The following CDH13 variants were observed in gnomAD, a reference collection of about 807,000 sequenced individuals.
CDH13 encodes cadherin-13.
In CDH13, 24 loss-of-function variants were observed where a neutral mutation model predicts 63.8. The observed-to-expected ratio is 0.38, with a 90% confidence interval of 0.27 to 0.53. The LOEUF is 0.53. Among genes scored for constraint, CDH13 ranks in the 20% least tolerant of loss-of-function variants. The probability of loss-of-function intolerance (pLI) is 0.85; values close to 1 mark genes in which losing one functional copy is unlikely to be tolerated. For synonymous variants in CDH13, 503 were observed against 355.3 expected, an observed-to-expected ratio of 1.42 and a Z score of -4.67; for missense variants, 1,049 against 903.1, an observed-to-expected ratio of 1.16 and a Z score of -2.07.
chr16:83,037,123 T>C (rs1044653505), intron 3 of CDH13, among the ~76,000 whole-genome samples: 2 of 152,326 alleles, frequency 1.3e-5, no homozygotes, highest in East Asian at 3.9e-4. Flanking sequence ...AGGGAGAGAC[T>C]AGAGCTACTA....
intron 10 of CDH13, among the ~76,000 whole-genome samples, chr16:83,698,403 C>T (rs150350774): frequency 6.6e-6 from 1 of 152,300 alleles, no homozygotes; most frequent in African/African-American, 2.4e-5. Flanking sequence ...TACTTTCTCC[C>T]AGTGTCACTG....
At chr16:83,329,200 C>T (rs1357225531) in intron 5 of CDH13, among the ~76,000 whole-genome samples, 1 of 151,978 alleles carries the variant, frequency 6.6e-6, no homozygotes, top group Non-Finnish European at 1.5e-5. Context: ...CAGATGAATC[C>T]CATGCAAATT....
At chr16:83,088,459 G>A (rs548340420) in intron 3 of CDH13, among the ~76,000 whole-genome samples, 3 of 152,250 alleles carry the variant, frequency 2.0e-5, no homozygotes, top group East Asian at 3.9e-4. Context: ...CCGAACCACA[G>A]AACCACAAAG....
intron 1 of CDH13, among the ~76,000 whole-genome samples, chr16:82,633,914 G>C (rs991466155): frequency 2.0e-5 from 3 of 152,186 alleles, no homozygotes; most frequent in Admixed American, 6.5e-5. Context: ...AAAGATCAGA[G>C]TAAATATAAC....
chr16:82,970,751 C>T (rs545446186), intron 2 of CDH13, among the ~76,000 whole-genome samples: 2 of 152,038 alleles, frequency 1.3e-5, no homozygotes, highest in Non-Finnish European at 1.5e-5. Flanking sequence ...AGATTAAGTT[C>T]CAGTGCTGTA....
At chr16:82,669,038 G>A (rs890516716) in intron 1 of CDH13, among the ~76,000 whole-genome samples, 1 of 152,182 alleles carries the variant, frequency 6.6e-6, no homozygotes, top group African/African-American at 2.4e-5. Flanking sequence ...ACATCCGAGG[G>A]AGTAAATTAG....
At chr16:83,146,402 T>A (rs2036753182) in intron 4 of CDH13, among the ~76,000 whole-genome samples, 1 of 152,120 alleles carries the variant, frequency 6.6e-6, no homozygotes, top group Admixed American at 6.5e-5. Flanking sequence ...TAGGCAAAAG[T>A]TTACCAGTGC....
intron 10 of CDH13, among the ~76,000 whole-genome samples, chr16:83,686,025 C>T (rs1035091085): frequency 2.6e-5 from 4 of 152,114 alleles, no homozygotes; most frequent in Non-Finnish European, 4.4e-5. Flanking sequence ...TCATAACCAC[C>T]CTGTAAATGA....
At chr16:82,763,845 G>C (rs532527462) in intron 1 of CDH13, among the ~76,000 whole-genome samples, 1 of 152,118 alleles carries the variant, frequency 6.6e-6, no homozygotes, top group Non-Finnish European at 1.5e-5. Context: ...ACCACGCCCA[G>C]GTAATTTTTT....
chr16:83,533,127 G>A (rs1012744495), intron 7 of CDH13, among the ~76,000 whole-genome samples: 4 of 152,150 alleles, frequency 2.6e-5, no homozygotes, highest in South Asian at 2.1e-4. Flanking sequence ...AGAGGAGAGC[G>A]AGATGCTAAC....
Position 82,858,425 on chromosome 16 carries a change from C to A in CDH13, c.109C>A (p.His37Asn), listed in dbSNP as rs760899127. The A allele has an allele frequency of 6.3e-5, 101 of 1,613,582 alleles. No homozygotes were observed. Among genetic ancestry groups the A allele is most frequent in the Admixed American group, 8.3e-5 (5 of 60,012 alleles). The change falls in exon 2 of 14, where the codon CAT (histidine) becomes AAT (asparagine). Residue 37 changes from histidine (H) to asparagine (N), a missense_variant. Transcript: ENST00000567109. The part of the protein sequence containing the change: ...CTPGFQQKVF[H>N]INQPAEFIED... Reference sequence around the variant, plus strand: ...TCCTGGATTTCAGCAGAAAGTGTTCCATATCAATCAGCCAGCTGAATTCAT... The same window carrying A: ...TCCTGGATTTCAGCAGAAAGTGTTCAATATCAATCAGCCAGCTGAATTCAT...
intron 5 of CDH13, among the ~76,000 whole-genome samples, chr16:83,317,066 G>A (rs1316652132): frequency 6.6e-6 from 1 of 152,180 alleles, no homozygotes; most frequent in South Asian, 2.1e-4. Context: ...ACAACTCAAG[G>A]GAAGATGTTG....
chr16:83,046,082 C>G (rs1026911318), intron 3 of CDH13, among the ~76,000 whole-genome samples: 3 of 152,140 alleles, frequency 2.0e-5, no homozygotes, highest in Admixed American at 6.5e-5. Flanking sequence ...TAAGCAAAGC[C>G]AAGTCTAGTC....
At position 83,329,858 on chromosome 16, in the gene CDH13, C is replaced by T. The variant is rs536363526; in HGVS notation, c.637-15004C>T. Among the ~76,000 whole-genome samples, 16 of 152,246 alleles carry T rather than the reference C, an allele frequency of 1.1e-4. 1 individual carries two copies. The highest frequency in any genetic ancestry group is 3.4e-3 in the Middle Eastern group (1 of 294). The stretch of plus-strand genomic sequence containing the variant: ...ATATTGTAGCATGTATCCAAATTTC[C>T]TCTGTTTTAAAAACTGAATAGTGTT... On this transcript the variant is annotated intron_variant, in intron 5 of 13. Transcript: ENST00000567109.
chr16:82,969,250 C>T (rs1339086331), intron 2 of CDH13, among the ~76,000 whole-genome samples: 1 of 152,174 alleles, frequency 6.6e-6, no homozygotes, highest in African/African-American at 2.4e-5. Flanking sequence ...TCTCTTATAA[C>T]TAGTAAACTC....
At chr16:82,667,126 T>G (rs1425688792) in intron 1 of CDH13, among the ~76,000 whole-genome samples, 2 of 152,194 alleles carry the variant, frequency 1.3e-5, no homozygotes, top group Non-Finnish European at 2.9e-5. Context: ...GATGCCAGCT[T>G]ATTCACATCG....
At chr16:83,417,445 C>G (rs946534920) in intron 6 of CDH13, among the ~76,000 whole-genome samples, 1 of 152,186 alleles carries the variant, frequency 6.6e-6, no homozygotes, top group Non-Finnish European at 1.5e-5. Context: ...TCCTCTTTAT[C>G]TTAACCTGTC....
chr16:83,249,935 T>C (rs1045941596), intron 5 of CDH13, among the ~76,000 whole-genome samples: 2 of 152,212 alleles, frequency 1.3e-5, no homozygotes, highest in African/African-American at 4.8e-5. Context: ...TTAAATTCTT[T>C]CTACAAATGT....
At chr16:82,883,639 C>T (rs2040782435) in intron 2 of CDH13, among the ~76,000 whole-genome samples, 1 of 152,208 alleles carries the variant, frequency 6.6e-6, no homozygotes, top group Non-Finnish European at 1.5e-5. Context: ...TTCAGTTCCT[C>T]ATCTCTACGA....
Sources: allele counts gnomAD v4.1 joint callset (sites outside exome capture counted in the v4.1 genomes callset), GRCh38; gene constraint gnomAD v4.1.1; transcripts MANE v1.5; gene names NCBI Gene and HGNC (gene_info 2026-07-23, HGNC 2026-07-21).